The following BCKDHB variants were observed in gnomAD, a reference collection of about 807,000 sequenced individuals.
The protein encoded by BCKDHB is branched chain keto acid dehydrogenase E1 subunit beta, also known as 2-oxoisovalerate dehydrogenase subunit beta, mitochondrial.
BCKDHB carries 41 observed loss-of-function variants against 48.5 expected under a neutral mutation model. The ratio of observed to expected loss-of-function variants is 0.85; its 90% CI spans 0.66 to 1.10. The LOEUF is 1.10. BCKDHB is among the 50% of genes least tolerant of loss of function. The probability of loss-of-function intolerance (pLI) is 0.00; values close to 1 mark genes in which losing one functional copy is unlikely to be tolerated. For synonymous variants in BCKDHB, 201 were observed against 174.8 expected (o/e 1.15, Z -1.18); for missense variants, 496 against 494.2 (o/e 1.00, Z -0.03).
At chr6:80,162,120 T>A (rs1772345603) in intron 3 of BCKDHB, among the ~76,000 whole-genome samples, 1 of 152,206 alleles carries the variant, frequency 6.6e-6, no homozygotes, top group Non-Finnish European at 1.5e-5. Flanking sequence ...TCCGGGGCAC[T>A]CATGTTGCCT....
intron 3 of BCKDHB, among the ~76,000 whole-genome samples, chr6:80,164,679 A>T (rs1381176071): frequency 1.3e-5 from 2 of 152,212 alleles, no homozygotes; most frequent in Non-Finnish European, 2.9e-5. Context: ...TAGTCTTTTC[A>T]GTGTTATAAT....
At chr6:80,133,391 T>C (rs1770727306) in intron 3 of BCKDHB, among the ~76,000 whole-genome samples, 2 of 152,244 alleles carry the variant, frequency 1.3e-5, no homozygotes, top group African/African-American at 4.8e-5. Flanking sequence ...TTAGTACCAC[T>C]AAACTGCTTC....
chr6:80,302,169 G>T (rs566490728), intron 9 of BCKDHB, among the ~76,000 whole-genome samples: 1 of 152,184 alleles, frequency 6.6e-6, no homozygotes, highest in Non-Finnish European at 1.5e-5. Flanking sequence ...GCAAGAGAAA[G>T]AAATAAAAGG....
chr6:80,204,866 G>A (rs1176839689), intron 8 of BCKDHB, among the ~76,000 whole-genome samples: 1 of 151,978 alleles, frequency 6.6e-6, no homozygotes, highest in Non-Finnish European at 1.5e-5. Context: ...TCTGTTGGTC[G>A]CATCTTTGTC....
the BCKDHB span, among the ~76,000 whole-genome samples, chr6:80,456,233 A>G: frequency 6.6e-6 from 1 of 151,928 alleles, no homozygotes; most frequent in Non-Finnish European, 1.5e-5. Flanking sequence ...GAAAGAAAGA[A>G]AAAAAACTAC....
intron 1 of BCKDHB, among the ~76,000 whole-genome samples, chr6:80,116,461 C>T (rs1039619699): frequency 2.0e-5 from 3 of 152,232 alleles, no homozygotes. Context: ...CTGTTGTGAG[C>T]ACTGAAGACA....
the BCKDHB span, among the ~76,000 whole-genome samples, chr6:80,456,448 T>C: frequency 6.6e-6 from 1 of 152,176 alleles, no homozygotes; most frequent in South Asian, 2.1e-4. Flanking sequence ...CTCCCAGATT[T>C]CTGTCTATTG....
the BCKDHB span, among the ~76,000 whole-genome samples, chr6:80,426,558 C>A: frequency 6.6e-6 from 1 of 152,026 alleles, no homozygotes; most frequent in Admixed American, 6.6e-5. Context: ...TGTAAATTTT[C>A]CATGTGATGT....
the BCKDHB span, among the ~76,000 whole-genome samples, chr6:80,456,272 C>T: frequency 1.3e-5 from 2 of 151,130 alleles, no homozygotes; most frequent in African/African-American, 4.8e-5. Flanking sequence ...AACAACAACA[C>T]ATAGTGCTTT....
the BCKDHB span, among the ~76,000 whole-genome samples, chr6:80,393,092 A>G: frequency 2.0e-5 from 3 of 152,084 alleles, no homozygotes; most frequent in East Asian, 3.9e-4. Flanking sequence ...TTACATTATT[A>G]TAACTAGCTA....
chr6:80,209,195 G>A (rs977182104), intron 8 of BCKDHB, among the ~76,000 whole-genome samples: 2 of 151,996 alleles, frequency 1.3e-5, no homozygotes, highest in Non-Finnish European at 2.9e-5. Flanking sequence ...CAAAATGCCT[G>A]CAGCAAAAAT....
chr6:80,436,605 C>A, the BCKDHB span, among the ~76,000 whole-genome samples: 1 of 152,264 alleles, frequency 6.6e-6, no homozygotes, highest in Non-Finnish European at 1.5e-5. Context: ...TTAAGTGTCA[C>A]CTCCTCTGTG....
At chr6:80,127,668 C>T (rs1483273779) in intron 2 of BCKDHB, 44 bp downstream of exon 2, 1 of 1,511,132 alleles carries the variant, frequency 6.6e-7, no homozygotes, top group African/African-American at 1.4e-5. Flanking sequence ...GTGTTAATTC[C>T]AGAATTGAAG....
intron 9 of BCKDHB, among the ~76,000 whole-genome samples, chr6:80,292,182 G>A (rs1036322677): frequency 2.0e-5 from 3 of 152,118 alleles, no homozygotes; most frequent in Admixed American, 6.5e-5. Context: ...GTCTTTTATT[G>A]GCTCTATAAG....
chr6:80,189,008 G>A (rs1274448418), intron 6 of BCKDHB, among the ~76,000 whole-genome samples: 1 of 152,088 alleles, frequency 6.6e-6, no homozygotes, highest in Non-Finnish European at 1.5e-5. Flanking sequence ...ACATATTTGG[G>A]AGTGTATTTT....
At chr6:80,355,855 C>T in the BCKDHB span, 1 of 152,186 alleles carries the variant, frequency 6.6e-6, no homozygotes, top group Non-Finnish European at 1.5e-5. Flanking sequence ...CTGCTACTGC[C>T]ACAGGTGCCG....
chr6:80,244,735 G>C (rs2127921728), intron 8 of BCKDHB, among the ~76,000 whole-genome samples: 2 of 152,272 alleles, frequency 1.3e-5, no homozygotes, highest in Middle Eastern at 3.4e-3. Flanking sequence ...ATGATTTTTG[G>C]CTCAATAAAG....
At chr6:80,463,215 A>G in the BCKDHB span, 1 of 152,216 alleles carries the variant, frequency 6.6e-6, no homozygotes, top group African/African-American at 2.4e-5. Flanking sequence ...CTTATGTGCA[A>G]AGTGAAAAGA....
chr6:80,245,030 C>T (rs1288637017), intron 8 of BCKDHB, among the ~76,000 whole-genome samples: 1 of 152,024 alleles, frequency 6.6e-6, no homozygotes, highest in Non-Finnish European at 1.5e-5. Flanking sequence ...TTCTACCTCT[C>T]TATCAGTTTC....
Sources: gnomAD v4.1 joint callset for allele counts (sites outside exome capture counted in the v4.1 genomes callset) on GRCh38, gnomAD v4.1.1 for gene constraint, MANE v1.5 for transcripts, NCBI Gene and HGNC (gene_info 2026-07-23, HGNC 2026-07-21) for gene names.